The following VMA21 variants were observed in gnomAD, a reference collection of about 807,000 sequenced individuals.
VMA21 encodes the protein vacuolar ATPase assembly integral membrane protein VMA21.
For synonymous variants in VMA21, 47 were observed against 34.1 expected (o/e 1.38, Z -1.32); for missense variants, 61 against 80.6 (o/e 0.76, Z 0.93).
At position 151,399,180 on chromosome X, in the gene VMA21, A is replaced by G. The variant is rs761270770; in HGVS notation, c.53+1819A>G. ...GGTCACAACACAGAAAAGTAGTCACATTTTTGAAGTTTGAGGTAAAGAGAG... is the reference window on the plus strand; with the variant it reads ...GGTCACAACACAGAAAAGTAGTCACGTTTTTGAAGTTTGAGGTAAAGAGAG... On this transcript the variant is annotated intron_variant, in intron 1 of 2. Coordinates refer to ENST00000330374, the MANE Select transcript of VMA21 (RefSeq NM_001017980.4). Among the ~76,000 whole-genome samples the G allele has an allele frequency of 3.8e-3, 427 of 112,311 alleles. 4 individuals carry two copies. The highest frequency in any genetic ancestry group is 0.023 in the Middle Eastern group (5 of 217).
intron 2 of VMA21, among the ~76,000 whole-genome samples, chrX:151,404,070 G>A (rs1228617834): frequency 2.8e-5 from 2 of 72,354 alleles, no homozygotes; most frequent in Admixed American, 3.5e-4. Context: ...CCTTTTTGAT[G>A]TTGAAATTTT....
chrX:151,399,420 A>G (rs2011220988), intron 1 of VMA21, among the ~76,000 whole-genome samples: 1 of 112,540 alleles, frequency 8.9e-6, no homozygotes, highest in Non-Finnish European at 1.9e-5. Flanking sequence ...GGTCATGTAA[A>G]GAACAAAACA....
chrX:151,399,622 C>G (rs2011222523), intron 1 of VMA21, among the ~76,000 whole-genome samples: 1 of 111,689 alleles, frequency 9.0e-6, no homozygotes, highest in Non-Finnish European at 1.9e-5. Flanking sequence ...TCATACTCTT[C>G]ATGAGGATTA....
At chrX:151,397,172 C>G, upstream of VMA21, 1 of 678,925 alleles carries the variant, frequency 1.5e-6, no homozygotes, top group African/African-American at 2.3e-5. Flanking sequence ...ACGGGCACTT[C>G]CGGCGCGAAC....
chrX:151,400,650 A>G (rs1406035365), intron 1 of VMA21, among the ~76,000 whole-genome samples: 1 of 112,276 alleles, frequency 8.9e-6, no homozygotes, highest in Non-Finnish European at 1.9e-5. Context: ...GTACCAGTCT[A>G]CATTTCCAGT....
At chrX:151,398,904 C>T (rs2011215922) in intron 1 of VMA21, among the ~76,000 whole-genome samples, 1 of 112,479 alleles carries the variant, frequency 8.9e-6, no homozygotes, top group Non-Finnish European at 1.9e-5. Context: ...CAGCCTTTCT[C>T]ATTCCTCACT....
chrX:151,397,278 C>T lies in VMA21; in HGVS notation c.-31C>T, dbSNP rs1377154435. On this transcript the variant is annotated 5_prime_UTR_variant, in exon 1 of 3. Coordinates refer to ENST00000330374, the MANE Select transcript of VMA21 (RefSeq NM_001017980.4). ...GCGCGGCCGCCGAGCCCAGCTCCGC[C>T]GCCGAGCGCCTGTGCCGGCACGGCT... 1.1e-5 allele frequency: 13 copies of T among 1,151,090 alleles called. No individual in the cohort carries two copies. The highest frequency in any genetic ancestry group is 3.6e-5 in the African/African-American group (2 of 55,774). The allele number at this position is 1,151,090 out of a possible 1,213,427, so 94.9% of individuals were successfully genotyped here. A position where few individuals can be genotyped will look rare whatever the true frequency, so the allele number is the denominator to read the frequency against.
intron 1 of VMA21, among the ~76,000 whole-genome samples, chrX:151,402,437 C>T (rs1021896818): frequency 4.0e-4 from 44 of 110,789 alleles, no homozygotes; most frequent in African/African-American, 1.4e-3. Flanking sequence ...CTGCCTCGGC[C>T]TCCCAAAGTG....
At chrX:151,397,159 C>A, upstream of VMA21, 1 of 530,642 alleles carries the variant, frequency 1.9e-6, no homozygotes, top group Non-Finnish European at 2.7e-6. Context: ...CCGCCCGGCG[C>A]GAACGGGCAC....
At chrX:151,398,998 C>T (rs2011216785) in intron 1 of VMA21, among the ~76,000 whole-genome samples, 1 of 112,613 alleles carries the variant, frequency 8.9e-6, no homozygotes, top group African/African-American at 3.2e-5. Context: ...CTTGGATAAG[C>T]CACTGATTTT....
rs191937091 is a variant in VMA21, at chrX:151,405,134, A to G, written c.*76A>G. On this transcript the variant is annotated 3_prime_UTR_variant, in exon 3 of 3. Coordinates refer to ENST00000330374, the MANE Select transcript of VMA21 (RefSeq NM_001017980.4). Reference sequence around the variant, plus strand: ...TGCTGGAGGGGGCCATCTGATTTGAATAAAGTTGAAAGAACATGTTAAAGT... The same window carrying G: ...TGCTGGAGGGGGCCATCTGATTTGAGTAAAGTTGAAAGAACATGTTAAAGT... 3.2e-4 allele frequency: 358 copies of G among 1,127,511 alleles called. 1 individual carries two copies. In the East Asian group the frequency reaches 9.0e-3, roughly 28 times the overall value. The allele number at this position is 1,127,511 out of a possible 1,213,427, so 92.9% of individuals were successfully genotyped here.
At chrX:151,400,090 A>G (rs916372888) in intron 1 of VMA21, among the ~76,000 whole-genome samples, 1 of 110,765 alleles carries the variant, frequency 9.0e-6, no homozygotes, top group South Asian at 3.8e-4. Context: ...ATACCATGCA[A>G]CTTTATTGCC....
chrX:151,402,046 G>A (rs371925836), intron 1 of VMA21, among the ~76,000 whole-genome samples: 2 of 110,268 alleles, frequency 1.8e-5, no homozygotes, highest in East Asian at 5.8e-4. Context: ...TGGCCCCTAA[G>A]TATTTTTTTT....
chrX:151,399,229 A>G (rs961583410), intron 1 of VMA21, among the ~76,000 whole-genome samples: 1 of 112,398 alleles, frequency 8.9e-6, no homozygotes, highest in Non-Finnish European at 1.9e-5. Flanking sequence ...TTAGCCATAA[A>G]TTATTAAGGT....
intron 1 of VMA21, 85 bp from the exon 2 acceptor site, chrX:151,403,546 G>A: frequency 1.4e-6 from 1 of 694,677 alleles, no homozygotes; most frequent in Non-Finnish European, 2.3e-6. Context: ...CATCTCATTT[G>A]TGGATGTTTA....
intron 1 of VMA21, among the ~76,000 whole-genome samples, chrX:151,402,923 C>G (rs1328431501): frequency 9.0e-6 from 1 of 111,295 alleles, no homozygotes. Flanking sequence ...AGCTCCGATT[C>G]CAGCGGGAGA....
rs1449439423 is a variant in VMA21 at position 151,407,131 on chromosome X, CA to C, written c.*2075del. The C allele has an allele frequency of 8.9e-6, 1 of 112,079 alleles. No individual in the cohort carries two copies. Among genetic ancestry groups the C allele is most frequent in the South Asian group, 3.6e-4 (1 of 2,743 alleles). The allele number at this position is 112,079 out of a possible 1,213,427, so 9.2% of individuals were successfully genotyped here. On this transcript the variant is annotated 3_prime_UTR_variant, in exon 3 of 3. Transcript: ENST00000330374. ...ATGCTGTTTGTAAAATGTTACTGTC[CA>C]ATGTTGGATTATTGTTTTGGTTTCA... is the stretch of plus-strand genomic sequence containing the variant.
intron 1 of VMA21, among the ~76,000 whole-genome samples, chrX:151,402,411 G>A (rs112350141): frequency 9.0e-6 from 1 of 111,000 alleles, no homozygotes; most frequent in African/African-American, 3.3e-5. Flanking sequence ...CGAACTCCTG[G>A]CCTCAAGTGA....
At chrX:151,402,581 G>C (rs1033821337) in intron 1 of VMA21, among the ~76,000 whole-genome samples, 1 of 113,040 alleles carries the variant, frequency 8.8e-6, no homozygotes, top group Non-Finnish European at 1.9e-5. Context: ...GTGTCTGTCT[G>C]GCTTAGGTAT....
Sources: allele counts gnomAD v4.1 joint callset (sites outside exome capture counted in the v4.1 genomes callset), GRCh38; gene constraint gnomAD v4.1.1; transcripts MANE v1.5; gene names NCBI Gene and HGNC (gene_info 2026-07-23, HGNC 2026-07-21).